EFCAB8: variants seen among roughly 807,000 people sequenced by gnomAD.
EFCAB8 encodes the protein EF-hand calcium-binding domain-containing protein 8.
Under a neutral mutation model 116.3 loss-of-function variants are expected in EFCAB8, and 100 were observed. That is an observed-to-expected ratio of 0.86 (90% CI 0.73 to 1.02). The LOEUF is 1.02. Ranked by LOEUF, EFCAB8 falls within the 50% of genes least tolerant of loss-of-function variation. The pLI is 0.00. For synonymous variants in EFCAB8, 558 were observed against 567.9 expected (o/e 0.98, Z 0.25); for missense variants, 1,320 against 1,416.9 (o/e 0.93, Z 1.10).
At position 32,858,983 on chromosome 20, in the gene EFCAB8, C is replaced by T. The variant is rs768531160; in HGVS notation, c.-34C>T. 2.3e-4 allele frequency: 107 copies of T among 471,018 alleles called. No individual in the cohort carries two copies. Among genetic ancestry groups the T allele is most frequent in the Non-Finnish European group, 4.4e-4 (101 of 227,052 alleles). 29.2% of individuals were successfully genotyped at this position (471,018 alleles called of 1,614,324 possible). A position where few individuals can be genotyped will look rare whatever the true frequency, so the allele number is the denominator to read the frequency against. ...TGCCAGACTTTGCCAGCAAGATTAA[C>T]TGAGGAGATCAAATTGAGTCAGGGT... is the stretch of plus-strand genomic sequence containing the variant. On this transcript the variant is annotated 5_prime_UTR_variant, in exon 1 of 27. Transcript: ENST00000400522.
chr20:32,871,440 A>G lies in EFCAB8; in HGVS notation c.208+3693A>G, dbSNP rs567362831. Among the ~76,000 whole-genome samples the G allele has an allele frequency of 1.4e-4, 21 of 151,506 alleles. No individual in the cohort carries two copies. In the South Asian group the frequency reaches 2.9e-3, roughly 21 times the overall value. On this transcript the variant is annotated intron_variant, in intron 3 of 26. Coordinates refer to ENST00000400522, the MANE Select transcript of EFCAB8 (RefSeq NM_001143967.2). ...AGGTGCATGCTACCACATCCAGCTA[A>G]TTTTTTCATTTTTATTTTCTGTAGA...
intron 5 of EFCAB8, among the ~76,000 whole-genome samples, chr20:32,880,611 A>G (rs1397196186): frequency 1.3e-5 from 2 of 152,238 alleles, no homozygotes; most frequent in African/African-American, 4.8e-5. Context: ...TAATTGAGAA[A>G]TAACCAATAA....
intron 1 of EFCAB8, among the ~76,000 whole-genome samples, 151 bp from the exon 2 acceptor site, chr20:32,863,632 A>C (rs1444345655): frequency 6.6e-6 from 1 of 152,180 alleles, no homozygotes; most frequent in African/African-American, 2.4e-5. Flanking sequence ...ATGCTCATCC[A>C]CTGCTCGCTG....
chr20:32,918,524 G>T lies in EFCAB8; in HGVS notation c.2224G>T (p.Val742Leu). The stretch of plus-strand genomic sequence containing the variant: ...GCGGAGCCTGGTGTCGGCTCCCCCA[G>T]TGATGCGGTGCCCGAGAGACAAGGA... ...LRRSLVSAPP[V>L]MRCPRDKEPD... Residue 742 changes from valine to leucine, a missense_variant, in exon 19 of 27, where the codon GTG (valine) becomes TTG (leucine). Val to Leu is a conservative substitution (Grantham distance 32). Coordinates refer to ENST00000400522, the MANE Select transcript of EFCAB8 (RefSeq NM_001143967.2). 6.4e-7 allele frequency: 1 copy of T among 1,551,712 alleles called. No individual in the cohort carries two copies. Among genetic ancestry groups the T allele is most frequent in the Non-Finnish European group, 8.7e-7 (1 of 1,147,006 alleles).
intron 22 of EFCAB8, among the ~76,000 whole-genome samples, chr20:32,939,199 CTTTCCTCT>C (rs1458212399): frequency 2.8e-3 from 177 of 63,428 alleles, no homozygotes; most frequent in Middle Eastern, 0.011. Flanking sequence ...TTCTTTCTTT[CTTTCCTCT>C]CTCTCTCTCT....
At chr20:32,918,624 G>A (rs1987311902) in intron 19 of EFCAB8, 50 bp downstream of exon 19, 3 of 1,515,028 alleles carry the variant, frequency 2.0e-6, no homozygotes, top group African/African-American at 1.4e-5. Context: ...CTAGCCGCCG[G>A]CGTTCACACA....
In EFCAB8 at chr20:32,932,248, A is replaced by G. The variant is rs1987937308; in HGVS notation, c.2790+912A>G. On this transcript the variant is annotated intron_variant, in intron 22 of 26. Coordinates refer to ENST00000400522, the MANE Select transcript of EFCAB8 (RefSeq NM_001143967.2). ...AAAAATCAGCTGGGTGTGGCGGTGC[A>G]CGCCTGTAATCCCAGCTACTTGGGA... Among the ~76,000 whole-genome samples, 3 of 152,110 alleles carry G rather than the reference A, an allele frequency of 2.0e-5. No homozygotes were observed. In the South Asian group the frequency reaches 6.2e-4, roughly 31 times the overall value.
chr20:32,900,938 G>A (rs1390076295), intron 11 of EFCAB8, among the ~76,000 whole-genome samples: 1 of 152,182 alleles, frequency 6.6e-6, no homozygotes, highest in African/African-American at 2.4e-5. Context: ...TCTTGACCTC[G>A]TGATCCGCCC....
chr20:32,897,998 C>T (rs1408476072), intron 10 of EFCAB8, among the ~76,000 whole-genome samples: 2 of 152,218 alleles, frequency 1.3e-5, no homozygotes, highest in Admixed American at 6.5e-5. Flanking sequence ...CAGCCAGCCC[C>T]TTCGACTGCG....
At chr20:32,905,247 C>T (rs1279975261) in intron 11 of EFCAB8, among the ~76,000 whole-genome samples, 1 of 152,148 alleles carries the variant, frequency 6.6e-6, no homozygotes, top group African/African-American at 2.4e-5. Context: ...GGCTGAGACC[C>T]TGATAACAAA....
At position 32,889,383 on chromosome 20, in the gene EFCAB8, T is replaced by G; in HGVS notation, c.650T>G (p.Val217Gly). 6.4e-7 allele frequency: 1 copy of G among 1,551,904 alleles called. No individual in the cohort carries two copies. The highest frequency in any genetic ancestry group is 8.7e-7 in the Non-Finnish European group (1 of 1,147,040). Residue 217 changes from valine to glycine, a missense_variant, in exon 7 of 27, where the codon GTT (valine) becomes GGT (glycine). Val to Gly is a moderately radical substitution (Grantham distance 109). Transcript: ENST00000400522. ...VCLHNMNLVA[V>G]ASTRQKIDFF... ...CTGCACAATATGAACCTCGTTGCAG[T>G]TGCGTCTACCAGGCAAAAGATAGGT...
rs11483888 is a variant in EFCAB8, at chr20:32,917,006, T to TC, written c.1857-286dup. On this transcript the variant is annotated intron_variant, in intron 17 of 26. Coordinates refer to ENST00000400522, the MANE Select transcript of EFCAB8 (RefSeq NM_001143967.2). ...TAGGGACCTCTGTAAGGCCACAATG[T>TC]CCCCCCCCCTTTAAACCTTAATCCT... The TC allele has an allele frequency of 9.8e-3, 3,280 of 333,164 alleles. 40 individuals carry two copies. The highest frequency in any genetic ancestry group is 0.04 in the African/African-American group (1,886 of 47,282). 20.6% of individuals were successfully genotyped at this position (333,164 alleles called of 1,614,324 possible).
At position 32,898,535 on chromosome 20, in the gene EFCAB8, C is replaced by G; in HGVS notation, c.1000C>G (p.Gln334Glu). The change falls in exon 11 of 27, where the codon CAG (glutamine) becomes GAG (glutamate). Residue 334 changes from glutamine (Q) to glutamate (E), a missense_variant. Coordinates refer to ENST00000400522, the MANE Select transcript of EFCAB8 (RefSeq NM_001143967.2). The part of the protein sequence containing the change: ...NWCEQVKFIP[Q>E]MNVVVSCSAI... Reference sequence around the variant, plus strand: ...GTGTGAGCAGGTCAAGTTCATCCCCCAGATGAATGTGGTAGTCTCCTGTTC... The same window carrying G: ...GTGTGAGCAGGTCAAGTTCATCCCCGAGATGAATGTGGTAGTCTCCTGTTC... 1.4e-6 allele frequency: 1 copy of G among 718,646 alleles called. No individual in the cohort carries two copies. The highest frequency in any genetic ancestry group is 2.6e-6 in the Non-Finnish European group (1 of 385,118). The allele number at this position is 718,646 out of a possible 1,614,324, so 44.5% of individuals were successfully genotyped here.
chr20:32,939,973 G>T (rs1403405212), intron 22 of EFCAB8, among the ~76,000 whole-genome samples: 1 of 138,948 alleles, frequency 7.2e-6, no homozygotes, highest in Non-Finnish European at 1.6e-5. Flanking sequence ...ACGATTACAG[G>T]CATGAGCCAC....
intron 22 of EFCAB8, among the ~76,000 whole-genome samples, chr20:32,940,604 G>C (rs1478384750): frequency 6.7e-6 from 1 of 149,856 alleles, no homozygotes; most frequent in East Asian, 1.9e-4. Context: ...AAACTTTTGG[G>C]CTGCAAAGGA....
intron 22 of EFCAB8, 81 bp from the exon 23 acceptor site, chr20:32,943,555 C>T: frequency 2.4e-6 from 1 of 416,016 alleles, no homozygotes; most frequent in Non-Finnish European, 4.4e-6. Flanking sequence ...CTGGGCTCTG[C>T]TGCCTGCAGT....
intron 20 of EFCAB8, among the ~76,000 whole-genome samples, chr20:32,925,483 T>A (rs1987635106): frequency 6.6e-6 from 1 of 152,252 alleles, no homozygotes; most frequent in African/African-American, 2.4e-5. Context: ...CTTTCCAAAG[T>A]GCTGGCATTA....
intron 22 of EFCAB8, among the ~76,000 whole-genome samples, chr20:32,942,119 G>A (rs1383089612): frequency 6.6e-6 from 1 of 151,918 alleles, no homozygotes; most frequent in African/African-American, 2.4e-5. Context: ...ATTTATTAGT[G>A]GTATTCATCT....
intron 2 of EFCAB8, 106 bp downstream of exon 2, chr20:32,863,940 G>A: frequency 1.6e-6 from 2 of 1,284,054 alleles, no homozygotes; most frequent in East Asian, 2.6e-5. Context: ...TCGGGGAGGG[G>A]GTTGCATACT....
Sources: allele counts gnomAD v4.1 joint callset (sites outside exome capture counted in the v4.1 genomes callset), GRCh38; gene constraint gnomAD v4.1.1; transcripts MANE v1.5; gene names NCBI Gene and HGNC (gene_info 2026-07-23, HGNC 2026-07-21).